Variants in EPHA6 observed in about 807,000 individuals in gnomAD.
The protein encoded by EPHA6 is ephrin type-A receptor 6.
Under a neutral mutation model 112.0 loss-of-function variants are expected in EPHA6, and 50 were observed. The observed-to-expected ratio is 0.45, with a 90% confidence interval of 0.36 to 0.56. The LOEUF is 0.56. Ranked by LOEUF, EPHA6 falls within the 20% of genes least tolerant of loss-of-function variation. The probability of loss-of-function intolerance (pLI) is 0.00; values close to 1 mark genes in which losing one functional copy is unlikely to be tolerated. For missense variants in EPHA6, 1,280 were observed against 1,417.4 expected (o/e 0.90, Z 1.56); for synonymous variants, 529 against 490.7 (o/e 1.08, Z -1.03).
chr3:97,089,424 T>A (rs1369866559), intron 3 of EPHA6, among the ~76,000 whole-genome samples: 3 of 152,158 alleles, frequency 2.0e-5, no homozygotes, highest in African/African-American at 7.2e-5. Flanking sequence ...TTACTCATTT[T>A]TTCTGATGGT....
In EPHA6 at chr3:97,162,784, ACT is replaced by A. The variant is rs563500732; in HGVS notation, c.1115-63475_1115-63474del. Among the ~76,000 whole-genome samples the A allele has an allele frequency of 6.6e-5, 10 of 151,850 alleles. No individual in the cohort carries two copies. The East Asian group carries it at 1.6e-3, about 24-fold the overall frequency. On this transcript the variant is annotated intron_variant, in intron 3 of 17. Coordinates refer to ENST00000389672, the MANE Select transcript of EPHA6 (RefSeq NM_001080448.3). Reference sequence around the variant, plus strand: ...TCTGGGAATTGATTGAGAGAGCATGACTCTCTGTTTATATGATTCAGGCTTGA... The same window carrying A: ...TCTGGGAATTGATTGAGAGAGCATGACTCTGTTTATATGATTCAGGCTTGA...
At chr3:97,220,476 C>A (rs1480148420) in intron 3 of EPHA6, among the ~76,000 whole-genome samples, 1 of 152,188 alleles carries the variant, frequency 6.6e-6, no homozygotes, top group African/African-American at 2.4e-5. Context: ...GTTTAATTGA[C>A]CACCAGTTTA....
At chr3:96,837,788 T>G (rs1159656948) in intron 1 of EPHA6, among the ~76,000 whole-genome samples, 2 of 152,164 alleles carry the variant, frequency 1.3e-5, no homozygotes, top group African/African-American at 4.8e-5. Flanking sequence ...TTTCATCTTT[T>G]TATTTGAGAA....
intron 3 of EPHA6, among the ~76,000 whole-genome samples, chr3:97,129,265 G>A (rs369489425): frequency 3.3e-5 from 5 of 151,990 alleles, no homozygotes; most frequent in East Asian, 1.9e-4. Context: ...TTTGGGAGGC[G>A]GAGGTGGGCA....
chr3:97,116,543 C>T (rs1340628510), intron 3 of EPHA6, among the ~76,000 whole-genome samples: 1 of 151,668 alleles, frequency 6.6e-6, no homozygotes. Flanking sequence ...TTCTCTGCTT[C>T]TATGCATTTA....
At chr3:97,515,389 A>G (rs1392200348) in intron 10 of EPHA6, among the ~76,000 whole-genome samples, 1 of 152,198 alleles carries the variant, frequency 6.6e-6, no homozygotes, top group African/African-American at 2.4e-5. Flanking sequence ...GTCATATTTT[A>G]TAGATAAAGG....
chr3:97,044,538 C>T (rs1342566888), intron 3 of EPHA6, among the ~76,000 whole-genome samples: 1 of 152,072 alleles, frequency 6.6e-6, no homozygotes, highest in Admixed American at 6.6e-5. Context: ...CAGATTTTAC[C>T]AACCATGTCC....
chr3:97,554,467 C>A (rs369250064), intron 11 of EPHA6, among the ~76,000 whole-genome samples: 105 of 152,112 alleles, frequency 6.9e-4, no homozygotes, highest in African/African-American at 2.2e-3. Flanking sequence ...CTATGAGTAA[C>A]TGAACAACTA....
intron 3 of EPHA6, among the ~76,000 whole-genome samples, chr3:97,221,218 G>A (rs1296454163): frequency 6.9e-6 from 1 of 145,060 alleles, no homozygotes; most frequent in Non-Finnish European, 1.5e-5. Context: ...GCTGAGACAG[G>A]AGAATCGCTT....
chr3:97,114,425 T>G (rs1012531345), intron 3 of EPHA6, among the ~76,000 whole-genome samples: 20 of 151,886 alleles, frequency 1.3e-4, no homozygotes, highest in Admixed American at 2.6e-4. Context: ...CATTACCTGA[T>G]TAATATCTCT....
At chr3:97,363,234 AT>A (rs2084501183) in intron 5 of EPHA6, among the ~76,000 whole-genome samples, 3 of 84,214 alleles carry the variant, frequency 3.6e-5, no homozygotes, top group Admixed American at 1.5e-4. Context: ...ATATATATAT[AT>A]ATAAATCTCA....
At chr3:97,189,937 G>T (rs2108475010) in intron 3 of EPHA6, among the ~76,000 whole-genome samples, 1 of 152,180 alleles carries the variant, frequency 6.6e-6, no homozygotes, top group South Asian at 2.1e-4. Flanking sequence ...AGAATCCCAT[G>T]TAGATCTCCC....
At chr3:97,391,616 A>T (rs2086402430) in intron 5 of EPHA6, among the ~76,000 whole-genome samples, 2 of 151,956 alleles carry the variant, frequency 1.3e-5, no homozygotes, top group South Asian at 4.1e-4. Flanking sequence ...ATTCTATAAT[A>T]TAAGGAGGAA....
chr3:96,837,821 A>G (rs989666052), intron 1 of EPHA6, among the ~76,000 whole-genome samples: 1 of 152,090 alleles, frequency 6.6e-6, no homozygotes, highest in South Asian at 2.1e-4. Flanking sequence ...TTAAAGAATA[A>G]TCTTTCAAGT....
At chr3:97,542,655 C>T (rs2092878814) in intron 11 of EPHA6, among the ~76,000 whole-genome samples, 2 of 152,304 alleles carry the variant, frequency 1.3e-5, no homozygotes, top group South Asian at 4.1e-4. Context: ...TTCTAGATCC[C>T]TGAAGAATCA....
At position 97,272,541 on chromosome 3, in the gene EPHA6, C is replaced by T. The variant is rs539784910; in HGVS notation, c.1606+28254C>T. Among the ~76,000 whole-genome samples, 375 of 151,988 alleles carry T rather than the reference C, an allele frequency of 2.5e-3. 3 individuals carry two copies. The highest frequency in any genetic ancestry group is 8.0e-3 in the African/African-American group (331 of 41,426). On this transcript the variant is annotated intron_variant, in intron 5 of 17. Transcript: ENST00000389672. ...GCTATTTATTTCACCTGGGTGCAGGCGGGCTGAGTCCAAAAAGAGAGTCAG... is the reference window on the plus strand; with the variant it reads ...GCTATTTATTTCACCTGGGTGCAGGTGGGCTGAGTCCAAAAAGAGAGTCAG...
At chr3:97,278,746 G>A (rs904266471) in intron 5 of EPHA6, among the ~76,000 whole-genome samples, 1 of 152,170 alleles carries the variant, frequency 6.6e-6, no homozygotes. Flanking sequence ...CCTGTAGTGG[G>A]TGTAGGTCCC....
intron 5 of EPHA6, among the ~76,000 whole-genome samples, chr3:97,360,606 A>G (rs2084323679): frequency 6.6e-6 from 1 of 152,126 alleles, no homozygotes. Flanking sequence ...AAGGGATGAA[A>G]TCATATATCA....
At chr3:97,150,937 T>C (rs1254785306) in intron 3 of EPHA6, among the ~76,000 whole-genome samples, 1 of 152,158 alleles carries the variant, frequency 6.6e-6, no homozygotes, top group Admixed American at 6.6e-5. Flanking sequence ...AATTCACTAA[T>C]TCATTCATTT....
Sources: gnomAD v4.1 joint callset for allele counts (sites outside exome capture counted in the v4.1 genomes callset) on GRCh38, gnomAD v4.1.1 for gene constraint, MANE v1.5 for transcripts, NCBI Gene and HGNC (gene_info 2026-07-23, HGNC 2026-07-21) for gene names.